Variants in TCF4 observed in about 807,000 individuals in gnomAD.
The protein encoded by TCF4 is SL3-3 enhancer factor 2.
TCF4 carries 3 observed loss-of-function variants against 82.1 expected under a neutral mutation model. That is an observed-to-expected ratio of 0.04 (90% CI 0.02 to 0.09). The LOEUF is 0.09. TCF4 is among the 10% of genes least tolerant of loss of function. TCF4 has a pLI of 1.00. For synonymous variants in TCF4, 276 were observed against 309.6 expected (o/e 0.89, Z 1.14); for missense variants, 518 against 852.7 (o/e 0.61, Z 4.89).
At chr18:55,592,483 T>C (rs951784445), upstream of TCF4, among the ~76,000 whole-genome samples, 24 of 152,196 alleles carry the variant, frequency 1.6e-4, no homozygotes, top group African/African-American at 5.8e-4. Flanking sequence ...TCATGGAGGC[T>C]CCCCCTTCAT....
At chr18:55,434,903 T>A (rs1195312817) in intron 5 of TCF4, among the ~76,000 whole-genome samples, 3 of 152,020 alleles carry the variant, frequency 2.0e-5, no homozygotes, top group Admixed American at 6.5e-5. Flanking sequence ...GGAGTACCCA[T>A]CAACTCAAGC....
chr18:55,542,187 T>C (rs2097170203), intron 3 of TCF4, among the ~76,000 whole-genome samples: 1 of 152,024 alleles, frequency 6.6e-6, no homozygotes, highest in Non-Finnish European at 1.5e-5. Flanking sequence ...TACTAAAGTG[T>C]GTGAATATAG....
At chr18:55,384,288 C>T (rs1057083059) in intron 6 of TCF4, 5 of 152,376 alleles carry the variant, frequency 3.3e-5, no homozygotes, top group African/African-American at 9.6e-5. Context: ...CACGCTCACA[C>T]TCAGTAGGCC....
At chr18:55,566,556 A>G (rs2069270914) in intron 3 of TCF4, among the ~76,000 whole-genome samples, 1 of 152,188 alleles carries the variant, frequency 6.6e-6, no homozygotes, top group Admixed American at 6.5e-5. Flanking sequence ...GAGAGAACCA[A>G]ATGGAACTTT....
At chr18:55,444,469 T>C (rs1463085727) in intron 5 of TCF4, among the ~76,000 whole-genome samples, 1 of 152,198 alleles carries the variant, frequency 6.6e-6, no homozygotes, top group Non-Finnish European at 1.5e-5. Context: ...TACAATGTGT[T>C]GAAAGTTTTC....
At chr18:55,432,668 A>G (rs1569468714) in intron 5 of TCF4, among the ~76,000 whole-genome samples, 1 of 152,196 alleles carries the variant, frequency 6.6e-6, no homozygotes, top group Non-Finnish European at 1.5e-5. Context: ...CTGAACATAC[A>G]TGCTACACCG....
chr18:55,232,307 T>C, intron 17 of TCF4: 2 of 596,432 alleles, frequency 3.4e-6, no homozygotes, highest in Admixed American at 3.1e-5. Context: ...TCCAGATTCA[T>C]AAATGCCAAA....
intron 3 of TCF4, among the ~76,000 whole-genome samples, chr18:55,533,048 CCTTT>C (rs369879950): frequency 3.9e-5 from 6 of 152,304 alleles, no homozygotes; most frequent in African/African-American, 1.4e-4. Context: ...ATTCTGCCCT[CCTTT>C]CTATCAAGTG....
At chr18:55,333,914 C>T (rs1028457535) in intron 8 of TCF4, among the ~76,000 whole-genome samples, 1 of 152,210 alleles carries the variant, frequency 6.6e-6, no homozygotes, top group African/African-American at 2.4e-5. Flanking sequence ...CCTGAGTTCA[C>T]AAACTATAGG....
At chr18:55,311,158 GAAAGA>G (rs972842630) in intron 8 of TCF4, among the ~76,000 whole-genome samples, 4 of 151,008 alleles carry the variant, frequency 2.6e-5, no homozygotes, top group Non-Finnish European at 4.4e-5. Context: ...AAGAAAAAAG[GAAAGA>G]AAAGAAAAGG....
chr18:55,514,729 T>A (rs1441097861), intron 3 of TCF4, among the ~76,000 whole-genome samples: 1 of 152,056 alleles, frequency 6.6e-6, no homozygotes, highest in African/African-American at 2.4e-5. Flanking sequence ...AAGCAACCAA[T>A]AAACTGAGGA....
intron 3 of TCF4, among the ~76,000 whole-genome samples, chr18:55,564,483 C>T (rs1372121280): frequency 3.3e-5 from 5 of 152,136 alleles, no homozygotes; most frequent in African/African-American, 1.2e-4. Context: ...GTGTCTTGAA[C>T]TCAACTGGTG....
At chr18:55,232,370 T>C in intron 17 of TCF4, 139 bp downstream of exon 17, 1 of 899,890 alleles carries the variant, frequency 1.1e-6, no homozygotes. Context: ...TTTTAGTACT[T>C]CTAGAGTAGG....
intron 5 of TCF4, among the ~76,000 whole-genome samples, chr18:55,411,683 G>C (rs915230060): frequency 6.6e-6 from 1 of 152,022 alleles, no homozygotes; most frequent in Non-Finnish European, 1.5e-5. Flanking sequence ...CAGATTCCTG[G>C]GTTCTCTTCT....
intron 19 of TCF4, 55 bp from the exon 20 acceptor site, chr18:55,228,085 G>T: frequency 2.7e-6 from 3 of 1,120,296 alleles, no homozygotes; most frequent in East Asian, 2.6e-5. Context: ...AACAGAAAAA[G>T]TATGCTTTTT....
At chr18:55,559,633 T>C (rs1006175379) in intron 3 of TCF4, among the ~76,000 whole-genome samples, 1 of 26,476 alleles carries the variant, frequency 3.8e-5, no homozygotes, top group South Asian at 2.8e-3. Flanking sequence ...CATAGGGTTT[T>C]TTCTTTAAAA....
chr18:55,351,235 C>A, intron 6 of TCF4: 1 of 498,798 alleles, frequency 2.0e-6, no homozygotes, highest in Admixed American at 3.5e-5. Flanking sequence ...TCCCTTTAAA[C>A]AATATTTTTT....
chr18:55,257,689 C>T (rs1232838850), intron 13 of TCF4, among the ~76,000 whole-genome samples: 1 of 152,100 alleles, frequency 6.6e-6, no homozygotes, highest in Non-Finnish European at 1.5e-5. Context: ...AAAACTATCA[C>T]CATGGAATCA....
intron 2 of TCF4, chr18:55,585,875 T>G: frequency 8.4e-7 from 1 of 1,189,140 alleles, no homozygotes; most frequent in East Asian, 4.2e-5. Flanking sequence ...TCTCTCTCTC[T>G]CACTCTCACT....
Sources: allele counts gnomAD v4.1 joint callset (sites outside exome capture counted in the v4.1 genomes callset), GRCh38; gene constraint gnomAD v4.1.1; transcripts MANE v1.5; gene names NCBI Gene and HGNC (gene_info 2026-07-23, HGNC 2026-07-21).